SCAMP4: variants seen among roughly 807,000 people sequenced by gnomAD.
SCAMP4 encodes the protein secretory carrier membrane protein 4.
Under a neutral mutation model 32.1 loss-of-function variants are expected in SCAMP4, and 19 were observed. That is an observed-to-expected ratio of 0.59 (90% CI 0.41 to 0.87). The LOEUF is 0.87. SCAMP4 is among the 40% of genes least tolerant of loss of function. SCAMP4 has a pLI of 0.00. For missense variants in SCAMP4, 302 were observed against 309.0 expected (o/e 0.98, Z 0.17); for synonymous variants, 152 against 132.7 (o/e 1.15, Z -1.00).
At chr19:1,910,802 C>T (rs530553689) in intron 1 of SCAMP4, among the ~76,000 whole-genome samples, 32 of 151,740 alleles carry the variant, frequency 2.1e-4, no homozygotes, top group African/African-American at 6.5e-4. Context: ...GTCTCGATCT[C>T]GTGGCCTCAT....
At position 1,922,059 on chromosome 19, in the gene SCAMP4, C is replaced by T. The variant is rs1051561532; in HGVS notation, c.396-1011C>T. 18 of 985,344 alleles carry T rather than the reference C, an allele frequency of 1.8e-5. No individual in the cohort carries two copies. The South Asian group carries it at 1.9e-4, about 10-fold the overall frequency. 61.0% of individuals were successfully genotyped at this position (985,344 alleles called of 1,614,324 possible). The stretch of plus-strand genomic sequence containing the variant: ...GGGAGTCAGCAGGAGAGAGACTGTA[C>T]GTCGTGCCTGCCTTTAAGTTCCCTG... On this transcript the variant is annotated intron_variant, in intron 5 of 6. Coordinates refer to ENST00000316097, the MANE Select transcript of SCAMP4 (RefSeq NM_079834.4).
intron 5 of SCAMP4, chr19:1,922,863 G>A (rs1201529563): frequency 1.5e-6 from 2 of 1,298,074 alleles, no homozygotes; most frequent in Non-Finnish European, 2.0e-6. Flanking sequence ...CTGCTGCGAT[G>A]GTGGAGGGAT....
intron 4 of SCAMP4, chr19:1,918,588 G>A (rs1193349299): frequency 3.0e-5 from 15 of 492,794 alleles, no homozygotes; most frequent in East Asian, 7.6e-5. Context: ...ATGGTGAAAC[G>A]CTGTCTCTAC....
At chr19:1,912,920 C>T (rs769642575) in intron 1 of SCAMP4, 2 of 1,610,010 alleles carry the variant, frequency 1.2e-6, no homozygotes, top group Non-Finnish European at 1.7e-6. Context: ...AGGACGGCCT[C>T]CCCTACCTGT....
rs372807446 is a variant in SCAMP4, at chr19:1,915,790, CA to C, written c.7+770del. On this transcript the variant is annotated intron_variant, in intron 2 of 6. Coordinates refer to ENST00000316097, the MANE Select transcript of SCAMP4 (RefSeq NM_079834.4). Reference sequence around the variant, plus strand: ...TGAAACCCCGTCTCTACTAAAAATACAAAAAATTAGCTGGGCGTGGTGGCGG... The same window carrying C: ...TGAAACCCCGTCTCTACTAAAAATACAAAAATTAGCTGGGCGTGGTGGCGG... 5.5e-3 allele frequency among the ~76,000 whole-genome samples: 827 copies of C among 151,656 alleles called. 7 individuals carry two copies. The highest frequency in any genetic ancestry group is 0.019 in the African/African-American group (783 of 41,348).
chr19:1,917,157 T>G (rs936288989), intron 2 of SCAMP4, among the ~76,000 whole-genome samples: 1 of 152,038 alleles, frequency 6.6e-6, no homozygotes, highest in Non-Finnish European at 1.5e-5. Context: ...AATCCAAAAA[T>G]TAGCCGGGTG....
In SCAMP4 at chr19:1,917,834, TG is replaced by T; in HGVS notation, c.136+17del. 1 of 1,613,558 alleles carries T rather than the reference TG, an allele frequency of 6.2e-7. No individual in the cohort carries two copies. Among genetic ancestry groups the T allele is most frequent in the East Asian group, 2.2e-5 (1 of 44,884 alleles). On this transcript the variant is annotated intron_variant, in intron 3 of 6. Coordinates refer to ENST00000316097, the MANE Select transcript of SCAMP4 (RefSeq NM_079834.4). ...CCGGCTGTGGATGTGTGAGTGCGCC[TG>T]GGGGCAGGAGGCGGGAAGCGGGAGG...
At chr19:1,919,087 T>C in intron 5 of SCAMP4, 97 bp downstream of exon 5, 1 of 1,545,074 alleles carries the variant, frequency 6.5e-7, no homozygotes, top group Non-Finnish European at 8.7e-7. Context: ...AGCGTGCTGG[T>C]CCGGGATTGT....
In SCAMP4 at chr19:1,923,171, C is replaced by T. The variant is rs1013786462; in HGVS notation, c.497C>T (p.Ala166Val). The change falls in exon 6 of 7, where the codon GCC becomes GTC. Residue 166 changes from alanine to valine, a missense_variant. By Grantham distance (64) the Ala-to-Val change is moderately conservative (BLOSUM62 0). Transcript: ENST00000316097. ...IMFSVSAAMM[A>V]IAIMKVHRIY... ...TTCTCCGTGTCGGCTGCCATGATGG[C>T]CATCGCGATCATGAAGGTGAGTCCT... The T allele has an allele frequency of 1.9e-6, 3 of 1,549,998 alleles. No homozygotes were observed. Among genetic ancestry groups the T allele is most frequent in the Admixed American group, 2.0e-5 (1 of 50,814 alleles).
chr19:1,923,636 T>TTTC (rs386388357), intron 6 of SCAMP4, among the ~76,000 whole-genome samples: 1 of 149,146 alleles, frequency 6.7e-6, no homozygotes, highest in East Asian at 2.0e-4. Flanking sequence ...TTTTTTTTTT[T>TTTC]TAGACAGAGT....
intron 1 of SCAMP4, chr19:1,912,869 G>T (rs376361991): frequency 1.9e-6 from 3 of 1,600,626 alleles, no homozygotes; most frequent in Non-Finnish European, 2.5e-6. Flanking sequence ...CTGCCCCCCA[G>T]GCCGTCCGCG....
intron 1 of SCAMP4, chr19:1,914,676 G>T: frequency 6.6e-6 from 3 of 452,052 alleles, no homozygotes; most frequent in East Asian, 4.3e-5. Flanking sequence ...CTGAAGCCGG[G>T]ATTTGGGGGA....
At chr19:1,912,353 C>G in intron 1 of SCAMP4, 1 of 1,529,488 alleles carries the variant, frequency 6.5e-7, no homozygotes, top group Non-Finnish European at 8.7e-7. Context: ...ATGCCGGCAG[C>G]CCCCACGCCC....
intron 2 of SCAMP4, among the ~76,000 whole-genome samples, chr19:1,916,357 G>A (rs2013733688): frequency 6.6e-6 from 1 of 152,190 alleles, no homozygotes; most frequent in Admixed American, 6.5e-5. Context: ...CTTGAGAGAG[G>A]CAGGAAGGCT....
intron 5 of SCAMP4, chr19:1,921,934 C>T (rs1026681600): frequency 2.0e-6 from 2 of 985,374 alleles, no homozygotes; most frequent in Admixed American, 6.1e-5. Flanking sequence ...GCGGGGGGTA[C>T]CGCGTGTGCG....
At chr19:1,912,634 C>G (rs1432635359) in intron 1 of SCAMP4, 1 of 1,436,806 alleles carries the variant, frequency 7.0e-7, no homozygotes, top group Non-Finnish European at 9.1e-7. Flanking sequence ...ATGGAGCGGG[C>G]GGTGTGGGCG....
chr19:1,907,216 G>T (rs1013386577), intron 1 of SCAMP4: 1 of 151,434 alleles, frequency 6.6e-6, no homozygotes, highest in Non-Finnish European at 1.5e-5. Context: ...CAGACTATTG[G>T]TGTGCCCTGG....
At chr19:1,918,640 T>C in intron 4 of SCAMP4, 1 of 573,596 alleles carries the variant, frequency 1.7e-6, no homozygotes, top group Non-Finnish European at 2.9e-6. Context: ...CGGGCGCCTA[T>C]AATCCCAGCT....
At chr19:1,918,747 G>A (rs2013819624) in intron 4 of SCAMP4, 142 bp from the exon 5 acceptor site, 8 of 1,274,024 alleles carry the variant, frequency 6.3e-6, no homozygotes, top group Middle Eastern at 2.7e-4. Context: ...GGGCGACAGA[G>A]TGAGACTCCA....
Sources: allele counts gnomAD v4.1 joint callset (sites outside exome capture counted in the v4.1 genomes callset), GRCh38; gene constraint gnomAD v4.1.1; transcripts MANE v1.5; gene names NCBI Gene and HGNC (gene_info 2026-07-23, HGNC 2026-07-21).